The following MMP17 variants were observed in gnomAD, a reference collection of about 807,000 sequenced individuals.
MMP17 encodes the protein matrix metallopeptidase 17, also known as matrix metalloproteinase-17.
MMP17 carries 54 observed loss-of-function variants against 49.1 expected under a neutral mutation model. The ratio of observed to expected loss-of-function variants is 1.10; its 90% confidence interval spans 0.88 to 1.38. The LOEUF is 1.38. MMP17 is among the 40% of genes most tolerant of loss of function. The probability of loss-of-function intolerance (pLI) is 0.00; values close to 1 mark genes in which losing one functional copy is unlikely to be tolerated. For synonymous variants in MMP17, 397 were observed against 383.1 expected, an observed-to-expected ratio of 1.04 and a Z score of -0.42; for missense variants, 837 against 853.7, an observed-to-expected ratio of 0.98 and a Z score of 0.24.
At position 131,851,323 on chromosome 12, in the gene MMP17, C is replaced by T; in HGVS notation, c.*49C>T. On this transcript the variant is annotated 3_prime_UTR_variant, in exon 10 of 10. Coordinates refer to ENST00000360564, the MANE Select transcript of MMP17 (RefSeq NM_016155.7). ...GACAGAGGCGGTGGGACAGCCTGGC[C>T]ACAGAGGGCAAGGACTGTGCCGGAG... is the stretch of plus-strand genomic sequence containing the variant. 1 of 1,345,476 alleles carries T rather than the reference C, an allele frequency of 7.4e-7. No homozygotes were observed. Among genetic ancestry groups the T allele is most frequent in the Non-Finnish European group, 9.6e-7 (1 of 1,042,672 alleles). The allele number at this position is 1,345,476 out of a possible 1,614,324, so 83.3% of individuals were successfully genotyped here. A position where few individuals can be genotyped will look rare whatever the true frequency, so the allele number is the denominator to read the frequency against.
intron 3 of MMP17, 163 bp from the exon 4 acceptor site, chr12:131,840,410 G>A (rs192937622): frequency 8.5e-5 from 59 of 694,420 alleles, no homozygotes; most frequent in African/African-American, 7.7e-4. Context: ...TACTGGAACC[G>A]CCGTGAGTGC....
chr12:131,841,623 G>T lies in MMP17; in HGVS notation c.707-1G>T. 1 of 1,614,052 alleles carries T rather than the reference G, an allele frequency of 6.2e-7. No homozygotes were observed. Among genetic ancestry groups the T allele is most frequent in the Non-Finnish European group, 8.5e-7 (1 of 1,180,012 alleles). On this transcript the variant is annotated splice_acceptor_variant, in intron 4 of 9. Transcript: ENST00000360564. LOFTEE classifies it high-confidence loss of function. ...GTTCACATGGCTCCCTGTGTCCCCAGATGCCCACGGGATGGACCTGTTTGC... is the reference window on the plus strand; with the variant it reads ...GTTCACATGGCTCCCTGTGTCCCCATATGCCCACGGGATGGACCTGTTTGC...
chr12:131,835,039 G>A (rs1887010063), intron 1 of MMP17, among the ~76,000 whole-genome samples: 1 of 152,172 alleles, frequency 6.6e-6, no homozygotes, highest in Non-Finnish European at 1.5e-5. Flanking sequence ...TCCCAAACCT[G>A]CAAGGCTTGT....
intron 1 of MMP17, among the ~76,000 whole-genome samples, chr12:131,830,401 G>T (rs1886730016): frequency 6.6e-6 from 1 of 152,230 alleles, no homozygotes; most frequent in Admixed American, 6.5e-5. Flanking sequence ...GGAGAGGGAG[G>T]ACGCTGCGGG....
At chr12:131,842,927 C>T (rs560797266) in intron 5 of MMP17, among the ~76,000 whole-genome samples, 11 of 152,342 alleles carry the variant, frequency 7.2e-5, no homozygotes, top group African/African-American at 2.6e-4. Flanking sequence ...CCCATCCCCC[C>T]AGCCCCTGGC....
chr12:131,836,257 A>T lies in MMP17; in HGVS notation c.160-1938A>T, dbSNP rs988255202. Among the ~76,000 whole-genome samples the T allele has an allele frequency of 3.9e-5, 6 of 152,002 alleles. No homozygotes were observed. In the East Asian group the frequency reaches 9.7e-4, roughly 25 times the overall value. ...GGAAGGGGGATCTCGGGGTGTGCAG[A>T]TCCCATGTAGTGTCTTGTGAGGCCC... On this transcript the variant is annotated intron_variant, in intron 1 of 9. Transcript: ENST00000360564.
rs764211838 is a variant in MMP17, at chr12:131,849,932, C to CT, written c.1338dup (p.Lys447Ter). 5.0e-6 allele frequency: 8 copies of CT among 1,613,952 alleles called. No individual in the cohort carries two copies. ...GGGCCCACAATGACAGGACTTATTT[C>CT]TTTAAGGACCAGCTGTACTGGCGCT... On this transcript the variant is annotated frameshift_variant, in exon 9 of 10. Coordinates refer to ENST00000360564, the MANE Select transcript of MMP17 (RefSeq NM_016155.7). LOFTEE classifies it high-confidence loss of function.
At position 131,838,676 on chromosome 12, in the gene MMP17, C is replaced by T. The variant is rs750276973; in HGVS notation, c.357C>T (p.Thr119=). The T allele has an allele frequency of 9.9e-6, 16 of 1,610,098 alleles. No individual in the cohort carries two copies. Among genetic ancestry groups the T allele is most frequent in the East Asian group, 2.2e-5 (1 of 44,774 alleles). ...RCSLPDLPVL[T]QARRRRQAPA... ...CCCTGCCAGACCTCCCTGTCCTGACCCAGGCTCGCAGGAGACGCCAGGCTC... is the reference window on the plus strand; with the variant it reads ...CCCTGCCAGACCTCCCTGTCCTGACTCAGGCTCGCAGGAGACGCCAGGCTC... The change falls in exon 3 of 10, where the codon ACC becomes ACT. Residue 119 remains threonine, a synonymous_variant. Coordinates refer to ENST00000360564, the MANE Select transcript of MMP17 (RefSeq NM_016155.7).
rs1217343273 is a variant in MMP17 at position 131,850,050 on chromosome 12, T to C, written c.1453T>C (p.Trp485Arg). The stretch of plus-strand genomic sequence containing the variant: ...CAGCACGCTGGACGACGCCATGCGC[T>C]GGTCCGACGGTGAGTGCCAGCTGGG... The part of the protein sequence containing the change: ...VPSTLDDAMR[W>R]SDGASYFFRG... Residue 485 changes from tryptophan to arginine, a missense_variant, in exon 9 of 10, where the codon TGG (tryptophan) becomes CGG (arginine). Trp to Arg is a moderately radical substitution (Grantham distance 101). Coordinates refer to ENST00000360564, the MANE Select transcript of MMP17 (RefSeq NM_016155.7). 6.2e-7 allele frequency: 1 copy of C among 1,610,366 alleles called. No homozygotes were observed.
At chr12:131,849,105 G>A (rs1376284345) in intron 8 of MMP17, among the ~76,000 whole-genome samples, 1 of 152,194 alleles carries the variant, frequency 6.6e-6, no homozygotes, top group African/African-American at 2.4e-5. Flanking sequence ...GGGGGCGAGG[G>A]GGCGTCTCAT....
chr12:131,845,044 G>C, intron 6 of MMP17, 74 bp from the exon 7 acceptor site: 1 of 1,381,784 alleles, frequency 7.2e-7, no homozygotes, highest in Non-Finnish European at 9.9e-7. Context: ...TCAGGTCAGG[G>C]GCTCTGCCGC....
intron 1 of MMP17, among the ~76,000 whole-genome samples, chr12:131,832,314 G>A (rs1886865112): frequency 1.1e-5 from 1 of 88,544 alleles, no homozygotes; most frequent in African/African-American, 4.5e-5. Context: ...CGGGGGGACG[G>A]GAACGGGGAA....
intron 1 of MMP17, among the ~76,000 whole-genome samples, chr12:131,832,802 C>T (rs537438258): frequency 6.6e-6 from 1 of 152,216 alleles, no homozygotes; most frequent in African/African-American, 2.4e-5. Flanking sequence ...GGCCCACCTC[C>T]TTCTCCACCC....
intron 8 of MMP17, among the ~76,000 whole-genome samples, chr12:131,847,988 C>G (rs1161093407): frequency 6.6e-6 from 1 of 152,232 alleles, no homozygotes; most frequent in African/African-American, 2.4e-5. Flanking sequence ...CCCATCATCT[C>G]CTTAATCCCT....
At position 131,838,726 on chromosome 12, in the gene MMP17, G is replaced by A. The variant is rs1177766765; in HGVS notation, c.407G>A (p.Arg136Lys). Reference sequence around the variant, plus strand: ...CCAGCCCCCACCAAGTGGAACAAGAGGAACCTGTCGTGGAGGTGGGTGTGT... The same window carrying A: ...CCAGCCCCCACCAAGTGGAACAAGAAGAACCTGTCGTGGAGGTGGGTGTGT... ...QAPAPTKWNK[R>K]NLSWRVRTFP... Residue 136 changes from arginine to lysine, a missense_variant, in exon 3 of 10, where the codon AGG (arginine) becomes AAG (lysine). Physicochemically the swap from Arg to Lys is conservative, Grantham distance 26. Transcript: ENST00000360564. 79 of 1,583,960 alleles carry A rather than the reference G, an allele frequency of 5.0e-5. No individual in the cohort carries two copies. The highest frequency in any genetic ancestry group is 6.6e-5 in the Non-Finnish European group (77 of 1,165,988).
Position 131,828,516 on chromosome 12 carries a change from G to T in MMP17, c.22G>T (p.Gly8Ter). The change falls in exon 1 of 10, where the codon GGA becomes TGA. Residue 8 changes from glycine (G) to a stop codon, truncating the protein, a stop_gained. Transcript: ENST00000360564. LOFTEE classifies it high-confidence loss of function. ...CGCCATGCGGCGCCGCGCAGCCCGG[G>T]GACCCGGCCCGCCGCCCCCAGGGCC... Reference protein sequence around the residue: MRRRAARGPGPPPPGPGL... With the variant: MRRRAAR 2.0e-6 allele frequency: 2 copies of T among 995,122 alleles called. No individual in the cohort carries two copies. The highest frequency in any genetic ancestry group is 9.0e-5 in the South Asian group (2 of 22,298). The allele number at this position is 995,122 out of a possible 1,614,324, so 61.6% of individuals were successfully genotyped here. A position where few individuals can be genotyped will look rare whatever the true frequency, so the allele number is the denominator to read the frequency against.
intron 1 of MMP17, among the ~76,000 whole-genome samples, chr12:131,830,774 C>T (rs1886751458): frequency 6.6e-6 from 1 of 152,188 alleles, no homozygotes; most frequent in South Asian, 2.1e-4. Context: ...CCCGGAGCGC[C>T]CCCCGTATGC....
At chr12:131,838,585 G>C in intron 2 of MMP17, 27 bp from the exon 3 acceptor site, 2 of 1,602,582 alleles carry the variant, frequency 1.2e-6, no homozygotes, top group Non-Finnish European at 1.7e-6. Context: ...GCTGGGCTAG[G>C]CTCTGAGCTC....
intron 1 of MMP17, among the ~76,000 whole-genome samples, chr12:131,831,792 G>A (rs1470955199): frequency 8.1e-6 from 1 of 122,878 alleles, no homozygotes; most frequent in Non-Finnish European, 1.7e-5. Flanking sequence ...GCTTCCGATG[G>A]TTCAGGGACA....
Sources: allele counts gnomAD v4.1 joint callset (sites outside exome capture counted in the v4.1 genomes callset), GRCh38; gene constraint gnomAD v4.1.1; transcripts MANE v1.5; gene names NCBI Gene and HGNC (gene_info 2026-07-23, HGNC 2026-07-21).